COL26A1: variants seen among roughly 807,000 people sequenced by gnomAD.
COL26A1 encodes collagen alpha-1(XXVI) chain.
COL26A1 carries 41 observed loss-of-function variants against 59.3 expected under a neutral mutation model. The ratio of observed to expected loss-of-function variants is 0.69; its 90% CI spans 0.54 to 0.90. The LOEUF (loss-of-function observed/expected upper bound fraction) is 0.90. Ranked by LOEUF, COL26A1 falls within the 40% of genes least tolerant of loss-of-function variation. The pLI, the probability that COL26A1 is intolerant of heterozygous loss-of-function variation, is 0.00. For missense variants in COL26A1, 612 were observed against 602.3 expected (o/e 1.02, Z -0.17); for synonymous variants, 266 against 256.0 (o/e 1.04, Z -0.37).
At chr7:101,406,078 C>T (rs1792122272) in intron 1 of COL26A1, among the ~76,000 whole-genome samples, 1 of 152,214 alleles carries the variant, frequency 6.6e-6, no homozygotes, top group Admixed American at 6.5e-5. Context: ...AACTCCTTTG[C>T]CCTTCAGACC....
intron 3 of COL26A1, among the ~76,000 whole-genome samples, chr7:101,526,108 G>A (rs1795242558): frequency 6.6e-6 from 1 of 151,802 alleles, no homozygotes. Context: ...GAGTGCAATG[G>A]CGTGATCTCG....
chr7:101,495,816 G>A (rs1859627), intron 3 of COL26A1, among the ~76,000 whole-genome samples: 3,329 of 151,496 alleles, frequency 0.022, 124 homozygotes, highest in African/African-American at 0.074. Flanking sequence ...GCTCAAGGCC[G>A]GGCGCAGTGG....
At chr7:101,475,523 A>G (rs1794010140) in intron 3 of COL26A1, among the ~76,000 whole-genome samples, 1 of 152,020 alleles carries the variant, frequency 6.6e-6, no homozygotes, top group Non-Finnish European at 1.5e-5. Context: ...TATTTCCACT[A>G]CAGAAGGTTT....
intron 1 of COL26A1, among the ~76,000 whole-genome samples, chr7:101,400,862 ACCGCCTT>A (rs1321357590): frequency 1.3e-5 from 2 of 151,978 alleles, no homozygotes; most frequent in African/African-American, 2.4e-5. Context: ...CCCGACCCAC[ACCGCCTT>A]CCTTCCTTCA....
intron 2 of COL26A1, among the ~76,000 whole-genome samples, chr7:101,436,304 A>G (rs1562978155): frequency 6.6e-6 from 1 of 152,062 alleles, no homozygotes; most frequent in Non-Finnish European, 1.5e-5. Context: ...GCCTGCAGCT[A>G]TTAATCAAGA....
chr7:101,367,605 C>T (rs1319302278), intron 1 of COL26A1, among the ~76,000 whole-genome samples: 1 of 147,946 alleles, frequency 6.8e-6, no homozygotes, highest in Non-Finnish European at 1.5e-5. Flanking sequence ...GCGGAGGGTA[C>T]AATGAGCTGA....
At chr7:101,429,988 A>AT (rs1792742212) in intron 2 of COL26A1, among the ~76,000 whole-genome samples, 2 of 152,194 alleles carry the variant, frequency 1.3e-5, no homozygotes, top group South Asian at 2.1e-4. Context: ...TCTTGATGGG[A>AT]TTTTTTAAAA....
In COL26A1 at chr7:101,447,664, T is replaced by C. The variant is rs1359095207; in HGVS notation, c.282-20T>C. The stretch of plus-strand genomic sequence containing the variant: ...GGGTGGGTGGGAGCTCATGCCCCCC[T>C]GACGCTGTCTGTGTGTTAGTTACAG... On this transcript the variant is annotated intron_variant, in intron 2 of 12. Transcript: ENST00000313669. The C allele has an allele frequency of 6.6e-7, 1 of 1,517,302 alleles. No individual in the cohort carries two copies. The highest frequency in any genetic ancestry group is 1.2e-5 in the South Asian group (1 of 84,044). The allele number at this position is 1,517,302 out of a possible 1,614,324, so 94.0% of individuals were successfully genotyped here. A position where few individuals can be genotyped will look rare whatever the true frequency, so the allele number is the denominator to read the frequency against.
At chr7:101,363,881 C>T (rs1396095682) in intron 1 of COL26A1, among the ~76,000 whole-genome samples, 10 of 152,146 alleles carry the variant, frequency 6.6e-5, no homozygotes, top group Non-Finnish European at 1.5e-5. Flanking sequence ...GCCAAGGCCT[C>T]GCGTCCCGGG....
At chr7:101,512,671 A>G (rs574575632) in intron 3 of COL26A1, among the ~76,000 whole-genome samples, 1 of 152,256 alleles carries the variant, frequency 6.6e-6, no homozygotes, top group East Asian at 1.9e-4. Context: ...AATTGGCCCT[A>G]CCTCTGTGAC....
chr7:101,381,043 C>T (rs1039219689), intron 1 of COL26A1, among the ~76,000 whole-genome samples: 4 of 152,154 alleles, frequency 2.6e-5, no homozygotes, highest in East Asian at 3.8e-4. Context: ...GTGTTAGATT[C>T]GTTTTGCTGC....
At chr7:101,500,079 C>T (rs1794669747) in intron 3 of COL26A1, among the ~76,000 whole-genome samples, 1 of 152,144 alleles carries the variant, frequency 6.6e-6, no homozygotes, top group African/African-American at 2.4e-5. Context: ...AGCAAAACTC[C>T]AAACTTGGTT....
At chr7:101,495,743 A>T (rs1447545084) in intron 3 of COL26A1, among the ~76,000 whole-genome samples, 1 of 149,316 alleles carries the variant, frequency 6.7e-6, no homozygotes, top group African/African-American at 2.5e-5. Context: ...TTGCCACCAC[A>T]TCTGGCATCT....
In COL26A1 at chr7:101,557,458, T is replaced by C. The variant is rs1171379405; in HGVS notation, c.1254T>C (p.Asp418=). The C allele has an allele frequency of 1.2e-6, 2 of 1,613,710 alleles. No homozygotes were observed. The highest frequency in any genetic ancestry group is 1.7e-6 in the Non-Finnish European group (2 of 1,179,724). The change falls in exon 13 of 13, where the codon GAT becomes GAC. Residue 418 remains aspartate (D), a synonymous_variant. Coordinates refer to ENST00000313669, the MANE Select transcript of COL26A1 (RefSeq NM_001278563.3). ...LKMKRGGAQP[D]GVLAALLGPD... ...TGAAGAGGGGTGGCGCCCAACCCGATGGGGTCCTTGCTGCCCTGCTTGGGC... is the reference window on the plus strand; with the variant it reads ...TGAAGAGGGGTGGCGCCCAACCCGACGGGGTCCTTGCTGCCCTGCTTGGGC...
chr7:101,424,007 C>T (rs1792585202), intron 2 of COL26A1, among the ~76,000 whole-genome samples: 3 of 151,676 alleles, frequency 2.0e-5, no homozygotes, highest in African/African-American at 4.8e-5. Context: ...AGCTCGAGAC[C>T]AGCCTGGGCA....
At position 101,518,139 on chromosome 7, in the gene COL26A1, G is replaced by A. The variant is rs112134189; in HGVS notation, c.386-14943G>A. Among the ~76,000 whole-genome samples, 29 of 152,214 alleles carry A rather than the reference G, an allele frequency of 1.9e-4. 1 individual carries two copies. The highest frequency in any genetic ancestry group is 6.7e-4 in the African/African-American group (28 of 41,532). On this transcript the variant is annotated intron_variant, in intron 3 of 12. Coordinates refer to ENST00000313669, the MANE Select transcript of COL26A1 (RefSeq NM_001278563.3). ...TGTCTTTTGTTTTTAAAACTCTGCT[G>A]CCATTTCTCTCTGAAAGCCCCAATG...
intron 2 of COL26A1, among the ~76,000 whole-genome samples, chr7:101,430,386 T>A (rs1395546581): frequency 1.3e-5 from 2 of 151,954 alleles, no homozygotes; most frequent in African/African-American, 2.4e-5. Context: ...CTTCCAGGGT[T>A]CAAGCGATTC....
intron 4 of COL26A1, among the ~76,000 whole-genome samples, chr7:101,539,287 T>C (rs1009031787): frequency 7.8e-6 from 1 of 128,840 alleles, no homozygotes; most frequent in Non-Finnish European, 1.6e-5. Flanking sequence ...TCTGTGTGTG[T>C]GTGTGTATGT....
At position 101,538,759 on chromosome 7, in the gene COL26A1, G is replaced by T. The variant is rs184088786; in HGVS notation, c.448-1134G>T. Among the ~76,000 whole-genome samples the T allele has an allele frequency of 6.9e-3, 1,055 of 152,266 alleles. 11 individuals are homozygous for T. The highest frequency in any genetic ancestry group is 0.024 in the African/African-American group (1,018 of 41,556). On this transcript the variant is annotated intron_variant, in intron 4 of 12. Transcript: ENST00000313669. ...GCACCCTGGAGACACCCCTGCTGGG[G>T]AGGAGCCCAGAGCAGGCCACTTTGT...
Sources: gnomAD v4.1 joint callset for allele counts (sites outside exome capture counted in the v4.1 genomes callset) on GRCh38, gnomAD v4.1.1 for gene constraint, MANE v1.5 for transcripts, NCBI Gene and HGNC (gene_info 2026-07-23, HGNC 2026-07-21) for gene names.